The following AGMO variants were observed in gnomAD, a reference collection of about 807,000 sequenced individuals.
AGMO encodes alkylglycerol monooxygenase.
In AGMO, 75 loss-of-function variants were observed where a neutral mutation model predicts 60.2. That is an observed-to-expected ratio of 1.25 (90% confidence interval 1.03 to 1.51). The LOEUF is 1.51. Among genes scored for constraint, AGMO ranks in the 40% most tolerant of loss-of-function variants. The probability of loss-of-function intolerance (pLI) is 0.00; values close to 1 mark genes in which losing one functional copy is unlikely to be tolerated. For missense variants in AGMO, 763 were observed against 525.5 expected, an observed-to-expected ratio of 1.45 and a Z score of -4.42; for synonymous variants, 261 against 177.1, an observed-to-expected ratio of 1.47 and a Z score of -3.76.
At chr7:15,284,452 C>A (rs1309098532) in intron 12 of AGMO, among the ~76,000 whole-genome samples, 2 of 151,964 alleles carry the variant, frequency 1.3e-5, no homozygotes, top group Non-Finnish European at 2.9e-5. Context: ...CTTTTATGCA[C>A]ACAAACTAAA....
At chr7:15,261,094 A>G (rs2128509566) in intron 12 of AGMO, among the ~76,000 whole-genome samples, 1 of 152,238 alleles carries the variant, frequency 6.6e-6, no homozygotes, top group South Asian at 2.1e-4. Flanking sequence ...ATCTAAAGTC[A>G]CACCTTATAA....
In AGMO at chr7:15,336,620, TCA is replaced by T. The variant is rs200394547; in HGVS notation, c.1263+28892_1263+28893del. Reference sequence around the variant, plus strand: ...AAATGTGTGCCACCGAATATATTAATCACATTCTTTAGATTGTAGAATATGGG... The same window carrying T: ...AAATGTGTGCCACCGAATATATTAATCATTCTTTAGATTGTAGAATATGGG... On this transcript the variant is annotated intron_variant, in intron 12 of 12. Transcript: ENST00000342526. Among the ~76,000 whole-genome samples the T allele has an allele frequency of 5.4e-3, 819 of 152,300 alleles. 9 individuals are homozygous for T. The highest frequency in any genetic ancestry group is 0.018 in the African/African-American group (765 of 41,562).
intron 3 of AGMO, among the ~76,000 whole-genome samples, chr7:15,494,262 A>G (rs1021103475): frequency 1.3e-5 from 2 of 152,226 alleles, no homozygotes; most frequent in Non-Finnish European, 2.9e-5. Flanking sequence ...AAATGAAAAC[A>G]TAAGTGGTTC....
chr7:15,301,540 C>A (rs1384484324), intron 12 of AGMO, among the ~76,000 whole-genome samples: 1 of 151,232 alleles, frequency 6.6e-6, no homozygotes, highest in Non-Finnish European at 1.5e-5. Context: ...ACAACTAGTT[C>A]TCAATACATT....
intron 12 of AGMO, among the ~76,000 whole-genome samples, chr7:15,286,831 C>G (rs1460014575): frequency 6.6e-6 from 1 of 152,122 alleles, no homozygotes; most frequent in Non-Finnish European, 1.5e-5. Context: ...TCTAAGTACC[C>G]ATCAACCAAT....
intron 5 of AGMO, among the ~76,000 whole-genome samples, chr7:15,397,366 G>A (rs913189657): frequency 1.3e-5 from 2 of 151,804 alleles, no homozygotes; most frequent in African/African-American, 4.8e-5. Context: ...GCGCAGCCCC[G>A]GCTCCCGCAC....
At chr7:15,225,576 C>T (rs1473262436) in intron 12 of AGMO, among the ~76,000 whole-genome samples, 2 of 151,660 alleles carry the variant, frequency 1.3e-5, no homozygotes, top group African/African-American at 4.8e-5. Context: ...TGGTAATATC[C>T]TTTTTTAAAA....
At chr7:15,323,259 T>C (rs1781237944) in intron 12 of AGMO, among the ~76,000 whole-genome samples, 1 of 152,102 alleles carries the variant, frequency 6.6e-6, no homozygotes, top group African/African-American at 2.4e-5. Flanking sequence ...CAATTTGCCC[T>C]AAGAAAACAT....
chr7:15,153,943 C>G, the AGMO span, among the ~76,000 whole-genome samples: 2 of 152,018 alleles, frequency 1.3e-5, no homozygotes, highest in African/African-American at 4.8e-5. Flanking sequence ...GCAATACAGT[C>G]ATTTTCACAA....
intron 3 of AGMO, among the ~76,000 whole-genome samples, chr7:15,445,692 AAG>A (rs1228351589): frequency 2.0e-5 from 3 of 152,200 alleles, no homozygotes; most frequent in African/African-American, 7.2e-5. Flanking sequence ...TAAAAAAACA[AAG>A]AATATGACTA....
chr7:15,544,924 C>A lies in AGMO; in HGVS notation c.258-1G>T. ...CAGTTCAATGCTCCTGAAAAATAGACTGGAAGATAAAATTCACAATCAGTG... is the reference window on the plus strand; with the variant it reads ...CAGTTCAATGCTCCTGAAAAATAGAATGGAAGATAAAATTCACAATCAGTG... On this transcript the variant is annotated splice_acceptor_variant, in intron 2 of 12. Transcript: ENST00000342526. LOFTEE classifies it high-confidence loss of function. 1 of 1,509,190 alleles carries A rather than the reference C, an allele frequency of 6.6e-7. No individual in the cohort carries two copies. The allele number at this position is 1,509,190 out of a possible 1,614,324, so 93.5% of individuals were successfully genotyped here. A position where few individuals can be genotyped will look rare whatever the true frequency, so the allele number is the denominator to read the frequency against.
At chr7:15,292,637 C>T (rs1784301385) in intron 12 of AGMO, among the ~76,000 whole-genome samples, 1 of 151,614 alleles carries the variant, frequency 6.6e-6, no homozygotes, top group Non-Finnish European at 1.5e-5. Flanking sequence ...AGGAGAAAAG[C>T]TCCTACGGAC....
intron 10 of AGMO, among the ~76,000 whole-genome samples, chr7:15,374,762 G>C (rs953766288): frequency 5.3e-5 from 8 of 152,064 alleles, no homozygotes; most frequent in African/African-American, 1.9e-4. Flanking sequence ...GAGGAGCTTG[G>C]TGGATTCCCT....
chr7:15,239,409 T>TA (rs1388809198), intron 12 of AGMO, among the ~76,000 whole-genome samples: 1 of 152,126 alleles, frequency 6.6e-6, no homozygotes, highest in East Asian at 1.9e-4. Context: ...TTGCTTGGGT[T>TA]AGAGTCTCCA....
At chr7:15,226,699 C>T (rs1367410646) in intron 12 of AGMO, among the ~76,000 whole-genome samples, 1 of 152,092 alleles carries the variant, frequency 6.6e-6, no homozygotes, top group Non-Finnish European at 1.5e-5. Context: ...CACTGACCCA[C>T]AGCAAATCAT....
At chr7:15,483,323 T>C (rs1301628000) in intron 3 of AGMO, among the ~76,000 whole-genome samples, 2 of 152,176 alleles carry the variant, frequency 1.3e-5, no homozygotes, top group Non-Finnish European at 2.9e-5. Flanking sequence ...TCCCAGCACC[T>C]TGGGAGGCCG....
chr7:15,331,029 G>A (rs1442394499), intron 12 of AGMO, among the ~76,000 whole-genome samples: 1 of 152,020 alleles, frequency 6.6e-6, no homozygotes, highest in African/African-American at 2.4e-5. Flanking sequence ...CTCTTGGATT[G>A]TTCTCTCTGG....
At chr7:15,358,261 A>G (rs1004178102) in intron 12 of AGMO, 1 of 258,364 alleles carries the variant, frequency 3.9e-6, no homozygotes, top group Non-Finnish European at 8.3e-6. Context: ...TAAAAATTGA[A>G]GAGTCTTAAG....
At position 15,443,645 on chromosome 7, in the gene AGMO, C is replaced by A. The variant is rs552701604; in HGVS notation, c.410-12537G>T. ...ATGAGCTGTGCTGTCCATGTGCACT[C>A]AAAATCTAGTGCAGGCATCAGCAAA... On this transcript the variant is annotated intron_variant, in intron 3 of 12. Transcript: ENST00000342526. Among the ~76,000 whole-genome samples, 8 of 152,228 alleles carry A rather than the reference C, an allele frequency of 5.3e-5. No individual in the cohort carries two copies. The East Asian group carries it at 1.5e-3, about 29-fold the overall frequency.
Sources: gnomAD v4.1 joint callset for allele counts (sites outside exome capture counted in the v4.1 genomes callset) on GRCh38, gnomAD v4.1.1 for gene constraint, MANE v1.5 for transcripts, NCBI Gene and HGNC (gene_info 2026-07-23, HGNC 2026-07-21) for gene names.